RNF130: variants seen among roughly 807,000 people sequenced by gnomAD.
The protein encoded by RNF130 is ring finger protein 130.
Under a neutral mutation model 44.6 loss-of-function variants are expected in RNF130, and 21 were observed. The observed-to-expected ratio is 0.47, with a 90% CI of 0.33 to 0.68. The LOEUF (loss-of-function observed/expected upper bound fraction) is 0.68, where lower values mean the gene tolerates loss of function less well. Ranked by LOEUF, RNF130 falls within the 30% of genes least tolerant of loss-of-function variation. The probability of loss-of-function intolerance (pLI) is 0.02; values close to 1 mark genes in which losing one functional copy is unlikely to be tolerated. For synonymous variants in RNF130, 214 were observed against 210.4 expected, an observed-to-expected ratio of 1.02 and a Z score of -0.15; for missense variants, 479 against 560.6, an observed-to-expected ratio of 0.85 and a Z score of 1.47.
At chr5:179,929,878 G>A (rs913071720) in intron 7 of RNF130, among the ~76,000 whole-genome samples, 7 of 152,046 alleles carry the variant, frequency 4.6e-5, no homozygotes, top group Non-Finnish European at 7.4e-5. Flanking sequence ...CCATAGTATC[G>A]TGTCACTCAT....
At chr5:180,050,840 C>T (rs1332089047) in intron 1 of RNF130, among the ~76,000 whole-genome samples, 1 of 152,178 alleles carries the variant, frequency 6.6e-6, no homozygotes, top group Non-Finnish European at 1.5e-5. Context: ...CAGGGTTTCA[C>T]TCTGTCGCCC....
chr5:179,994,172 TTTG>T (rs978914231), intron 3 of RNF130, among the ~76,000 whole-genome samples: 14 of 152,206 alleles, frequency 9.2e-5, no homozygotes, highest in African/African-American at 3.4e-4. Flanking sequence ...CGCCTCCAGT[TTTG>T]TTCTTTTGGC....
intron 7 of RNF130, among the ~76,000 whole-genome samples, chr5:179,935,357 AATAT>A (rs970237000): frequency 6.6e-6 from 1 of 152,156 alleles, no homozygotes; most frequent in Admixed American, 6.5e-5. Context: ...GGGCTATATA[AATAT>A]ATATGTTAAT....
At chr5:179,948,189 A>AT (rs1178671547) in intron 7 of RNF130, among the ~76,000 whole-genome samples, 1 of 152,300 alleles carries the variant, frequency 6.6e-6, no homozygotes, top group East Asian at 1.9e-4. Flanking sequence ...AAAACCAACT[A>AT]TATCTTCTCT....
chr5:179,991,587 C>T (rs1027484798), intron 3 of RNF130, among the ~76,000 whole-genome samples: 1 of 152,078 alleles, frequency 6.6e-6, no homozygotes, highest in Admixed American at 6.5e-5. Flanking sequence ...AAACACTTGT[C>T]GTCAAGTTGT....
chr5:179,999,784 G>A (rs376241900), intron 3 of RNF130, among the ~76,000 whole-genome samples: 3 of 152,160 alleles, frequency 2.0e-5, no homozygotes, highest in African/African-American at 4.8e-5. Flanking sequence ...ATTGTGTCAC[G>A]GTTTTTAAAA....
intron 1 of RNF130, among the ~76,000 whole-genome samples, chr5:180,056,753 T>C (rs970686054): frequency 6.6e-6 from 1 of 152,122 alleles, no homozygotes; most frequent in Non-Finnish European, 1.5e-5. Context: ...CTGGACTGCA[T>C]TGTTCTTAAC....
chr5:180,036,570 T>C (rs994776871), intron 2 of RNF130, among the ~76,000 whole-genome samples: 13 of 152,232 alleles, frequency 8.5e-5, no homozygotes, highest in Admixed American at 7.2e-4. Context: ...TTTCAAAGCA[T>C]AAATGTGTCT....
intron 7 of RNF130, among the ~76,000 whole-genome samples, chr5:179,941,213 T>C (rs1264236776): frequency 6.6e-6 from 1 of 152,234 alleles, no homozygotes; most frequent in African/African-American, 2.4e-5. Flanking sequence ...CTTCGTTTGG[T>C]TGGTTTTTAA....
chr5:180,061,451 A>G lies in RNF130; in HGVS notation c.247+10005T>C, dbSNP rs141069856. Among the ~76,000 whole-genome samples the G allele has an allele frequency of 1.6e-3, 249 of 152,314 alleles. 2 individuals are homozygous for G. Among genetic ancestry groups the G allele is most frequent in the Non-Finnish European group, 2.5e-3 (170 of 68,026 alleles). ...ATCACAAACTTGGTGGCTTAAAACAACATAGTCTCATTGTCTCACAGTTCT... is the reference window on the plus strand; with the variant it reads ...ATCACAAACTTGGTGGCTTAAAACAGCATAGTCTCATTGTCTCACAGTTCT... On this transcript the variant is annotated intron_variant, in intron 1 of 8. Transcript: ENST00000521389.
At chr5:179,996,407 T>C (rs1763197292) in intron 3 of RNF130, among the ~76,000 whole-genome samples, 1 of 152,272 alleles carries the variant, frequency 6.6e-6, no homozygotes, top group Non-Finnish European at 1.5e-5. Flanking sequence ...CACATCTTAG[T>C]GGAAACGTTT....
chr5:179,966,969 T>G lies in RNF130; in HGVS notation c.987A>C (p.Glu329Asp). The G allele has an allele frequency of 6.2e-7, 1 of 1,614,216 alleles. No individual in the cohort carries two copies. ...PCTDNVAFDM[E>D]RLTRTQAVNR... is the part of the protein sequence containing the mutation. ...TAACAGCTTGGGTTCTGGTGAGCCT[T>G]TCCATATCGAATGCTACGTTATCAG... Residue 329 changes from glutamate (E) to aspartate (D), a missense_variant, in exon 7 of 9, where the codon GAA becomes GAC. Around this residue, in one of 3 missense-constraint regions of RNF130, gnomAD observed 161 missense variants for 158.6 expected, o/e 1.02. Coordinates refer to ENST00000521389, the MANE Select transcript of RNF130 (RefSeq NM_018434.6).
At chr5:179,988,868 C>G (rs1056523588) in intron 3 of RNF130, among the ~76,000 whole-genome samples, 1 of 152,162 alleles carries the variant, frequency 6.6e-6, no homozygotes, top group Non-Finnish European at 1.5e-5. Flanking sequence ...CAATTTGATA[C>G]AGTGTTCTGT....
At chr5:179,951,982 C>A (rs1762133187), downstream of RNF130, among the ~76,000 whole-genome samples, 1 of 151,998 alleles carries the variant, frequency 6.6e-6, no homozygotes, top group African/African-American at 2.4e-5. Context: ...ACCTCATCTT[C>A]CACCTTAAAA....
intron 6 of RNF130, among the ~76,000 whole-genome samples, chr5:179,969,325 G>C (rs1225930584): frequency 6.6e-6 from 1 of 151,692 alleles, no homozygotes; most frequent in Non-Finnish European, 1.5e-5. Flanking sequence ...GTTCTCCTTG[G>C]GCTCCAGTCA....
chr5:180,059,702 C>T (rs1764926172), intron 1 of RNF130, among the ~76,000 whole-genome samples: 1 of 152,214 alleles, frequency 6.6e-6, no homozygotes, highest in Non-Finnish European at 1.5e-5. Context: ...AAACAACTGA[C>T]CCATTAGGGT....
chr5:179,931,157 G>A (rs1038343397), intron 7 of RNF130, among the ~76,000 whole-genome samples: 1 of 151,662 alleles, frequency 6.6e-6, no homozygotes, highest in Admixed American at 6.6e-5. Flanking sequence ...TGACGTCCAC[G>A]CAAAGCTGGA....
At chr5:180,068,778 C>T (rs1333811368) in intron 1 of RNF130, among the ~76,000 whole-genome samples, 7 of 152,202 alleles carry the variant, frequency 4.6e-5, no homozygotes, top group African/African-American at 1.7e-4. Context: ...TCATTTCTAT[C>T]AAACACCCTC....
At chr5:180,052,642 T>G (rs1410022244) in intron 1 of RNF130, among the ~76,000 whole-genome samples, 2 of 152,182 alleles carry the variant, frequency 1.3e-5, no homozygotes, top group Non-Finnish European at 2.9e-5. Context: ...TAAAATGTAA[T>G]GACAGGCCAG....
Sources: allele counts gnomAD v4.1 joint callset (sites outside exome capture counted in the v4.1 genomes callset), GRCh38; gene constraint gnomAD v4.1.1; regional missense constraint gnomAD v4.1.1; transcripts MANE v1.5; gene names NCBI Gene and HGNC (gene_info 2026-07-23, HGNC 2026-07-21).